Variants in PPP6R2 observed in about 807,000 individuals in gnomAD.
The protein encoded by PPP6R2 is serine/threonine-protein phosphatase 6 regulatory subunit 2.
A neutral mutation model predicts 100.2 loss-of-function variants in PPP6R2; 62 were observed. That is an observed-to-expected ratio of 0.62 (90% CI 0.50 to 0.76). The LOEUF (loss-of-function observed/expected upper bound fraction) is 0.76, where lower values mean the gene tolerates loss of function less well. Among genes scored for constraint, PPP6R2 ranks in the 30% least tolerant of loss-of-function variants. PPP6R2 has a pLI of 0.00. For synonymous variants in PPP6R2, 525 were observed against 514.7 expected (o/e 1.02, Z -0.27); for missense variants, 1,142 against 1,276.3 (o/e 0.89, Z 1.60).
At chr22:50,371,505 G>GAAA (rs894726509) in intron 1 of PPP6R2, among the ~76,000 whole-genome samples, 1 of 142,178 alleles carries the variant, frequency 7.0e-6, no homozygotes, top group African/African-American at 2.6e-5. Flanking sequence ...CTTTAAAAAA[G>GAAA]AAAAAAAAAA....
At chr22:50,355,797 A>G (rs1345180951) in intron 1 of PPP6R2, among the ~76,000 whole-genome samples, 1 of 151,302 alleles carries the variant, frequency 6.6e-6, no homozygotes, top group Non-Finnish European at 1.5e-5. Flanking sequence ...CTGGGATTAC[A>G]GGGGTGAGCC....
chr22:50,401,450 G>A (rs1219526389), intron 3 of PPP6R2, among the ~76,000 whole-genome samples: 1 of 94,576 alleles, frequency 1.1e-5, no homozygotes, highest in Non-Finnish European at 2.0e-5. Flanking sequence ...CTCGTGATCC[G>A]CCCGCCTCGG....
chr22:50,376,173 G>C (rs575190813), intron 2 of PPP6R2, among the ~76,000 whole-genome samples: 4 of 152,072 alleles, frequency 2.6e-5, no homozygotes, highest in Non-Finnish European at 5.9e-5. Flanking sequence ...AACCAGTACA[G>C]TTCAGGTGTG....
chr22:50,339,151 T>G (rs2042339259), upstream of PPP6R2, among the ~76,000 whole-genome samples: 2 of 148,258 alleles, frequency 1.3e-5, no homozygotes, highest in African/African-American at 5.0e-5. Flanking sequence ...TTGTGGTGTG[T>G]GTGTGGTATG....
intron 2 of PPP6R2, among the ~76,000 whole-genome samples, chr22:50,376,598 A>G (rs534251669): frequency 1.3e-5 from 2 of 151,818 alleles, no homozygotes; most frequent in East Asian, 2.0e-4. Context: ...AATTCTTTGT[A>G]TTTTTTGTAA....
chr22:50,431,432 G>T lies in PPP6R2; in HGVS notation c.1335+50G>T. 2 of 1,533,148 alleles carry T rather than the reference G, an allele frequency of 1.3e-6. No homozygotes were observed. Among genetic ancestry groups the T allele is most frequent in the Non-Finnish European group, 1.8e-6 (2 of 1,120,590 alleles). 95.0% of individuals were successfully genotyped at this position (1,533,148 alleles called of 1,614,324 possible). On this transcript the variant is annotated intron_variant, in intron 11 of 23. Coordinates refer to ENST00000612753, the MANE Select transcript of PPP6R2 (RefSeq NM_001242898.2). The surrounding 1 kb of genome is among the most constrained non-coding windows in gnomAD (Gnocchi z 4.8). Reference sequence around the variant, plus strand: ...ATCAGCGCCAACTGCGCCCCACTCAGACCGTGTCCATGTCAGCGCTGACGT... The same window carrying T: ...ATCAGCGCCAACTGCGCCCCACTCATACCGTGTCCATGTCAGCGCTGACGT...
intron 13 of PPP6R2, among the ~76,000 whole-genome samples, chr22:50,435,710 C>T (rs551499155): frequency 2.0e-5 from 3 of 152,238 alleles, no homozygotes; most frequent in Non-Finnish European, 4.4e-5. Context: ...TAGCCCCTGG[C>T]GAGGTCAGGC....
chr22:50,437,484 T>TACCCAC, intron 15 of PPP6R2, 22 bp from the exon 16 acceptor site: 4 of 542,124 alleles, frequency 7.4e-6, no homozygotes, highest in African/African-American at 4.4e-5. Flanking sequence ...TGTCCGTCCC[T>TACCCAC]CCCTCCCTCC....
intron 10 of PPP6R2, among the ~76,000 whole-genome samples, chr22:50,429,283 G>A (rs2062731401): frequency 6.6e-6 from 1 of 152,226 alleles, no homozygotes; most frequent in East Asian, 1.9e-4. Context: ...CACCCTCCTC[G>A]GCCTCCCAAA....
intron 10 of PPP6R2, among the ~76,000 whole-genome samples, chr22:50,424,500 G>A (rs528142004): frequency 6.6e-6 from 1 of 151,144 alleles, no homozygotes; most frequent in Non-Finnish European, 1.5e-5. Context: ...GTCTGTCAGC[G>A]TGTGGAAGGT....
rs757479453 is a variant in PPP6R2 at position 50,439,796 on chromosome 22, G to A, written c.2224G>A (p.Gly742Ser). 6.8e-6 allele frequency: 11 copies of A among 1,613,790 alleles called. No homozygotes were observed. The Admixed American group carries it at 1.2e-4, about 17-fold the overall frequency. The change falls in exon 20 of 24, where the codon GGC becomes AGC. Residue 742 changes from glycine to serine, a missense_variant. By Grantham distance (56) the Gly-to-Ser change is moderately conservative. Transcript: ENST00000612753. ...CGTGGGTTCCAGTGTGTGGGCAGCTGGCACCTCAGCTCCAGAGGAGAAAGG... is the reference window on the plus strand; with the variant it reads ...CGTGGGTTCCAGTGTGTGGGCAGCTAGCACCTCAGCTCCAGAGGAGAAAGG... ...RDVGSSVWAAGTSAPEEKGWA... is the reference protein window; with the variant it reads ...RDVGSSVWAASTSAPEEKGWA...
intron 2 of PPP6R2, among the ~76,000 whole-genome samples, chr22:50,385,184 T>G (rs1486744382): frequency 6.6e-6 from 1 of 152,064 alleles, no homozygotes; most frequent in Non-Finnish European, 1.5e-5. Flanking sequence ...ACTGCCACAC[T>G]GGGATTAAGT....
At chr22:50,354,676 A>G (rs1222159199) in intron 1 of PPP6R2, among the ~76,000 whole-genome samples, 7 of 151,560 alleles carry the variant, frequency 4.6e-5, no homozygotes, top group Non-Finnish European at 1.5e-5. Flanking sequence ...AAATACAAAA[A>G]TTAGCCGGGC....
chr22:50,435,061 A>G lies in PPP6R2; in HGVS notation c.1496A>G (p.His499Arg), dbSNP rs778962601. ...QNLERGPVQTHISEVIRGLPA... is the reference protein window; with the variant it reads ...QNLERGPVQTRISEVIRGLPA... ...CTGGAGCGGGGCCCTGTGCAGACGC[A>G]CATCAGCGAGGTCATCCGAGGTGAG... The change falls in exon 13 of 24, where the codon CAC becomes CGC. Residue 499 changes from histidine (H) to arginine (R), a missense_variant. His to Arg is a conservative substitution (Grantham distance 29). Coordinates refer to ENST00000612753, the MANE Select transcript of PPP6R2 (RefSeq NM_001242898.2). 4.4e-6 allele frequency: 7 copies of G among 1,573,206 alleles called. No individual in the cohort carries two copies. Among genetic ancestry groups the G allele is most frequent in the African/African-American group, 1.4e-5 (1 of 73,644 alleles).
intron 2 of PPP6R2, among the ~76,000 whole-genome samples, chr22:50,381,668 C>T (rs920023392): frequency 6.6e-6 from 1 of 152,094 alleles, no homozygotes; most frequent in Non-Finnish European, 1.5e-5. Flanking sequence ...CGCCTGTAAT[C>T]CCAGCACTTT....
intron 4 of PPP6R2, among the ~76,000 whole-genome samples, chr22:50,411,896 T>A (rs2059798307): frequency 6.6e-6 from 1 of 151,484 alleles, no homozygotes; most frequent in Non-Finnish European, 1.5e-5. Flanking sequence ...ATACAAAAAA[T>A]TGGCTGGACG....
At chr22:50,398,492 T>G (rs897394819) in intron 3 of PPP6R2, among the ~76,000 whole-genome samples, 4 of 147,550 alleles carry the variant, frequency 2.7e-5, no homozygotes, top group Non-Finnish European at 3.0e-5. Flanking sequence ...ATTTCTTTAT[T>G]TAAAAAAAAA....
rs2064670033 is a variant in PPP6R2, at chr22:50,437,706, G to GT, written c.1781+104dup. ...GGTCTTGCCGGGAGTGCCGTCTGATGTCCCCGGGAGACAGCAGGTGTTCCC... is the reference window on the plus strand; with the variant it reads ...GGTCTTGCCGGGAGTGCCGTCTGATGTTCCCCGGGAGACAGCAGGTGTTCCC... On this transcript the variant is annotated intron_variant, in intron 16 of 23. Coordinates refer to ENST00000612753, the MANE Select transcript of PPP6R2 (RefSeq NM_001242898.2). 6 of 1,398,354 alleles carry GT rather than the reference G, an allele frequency of 4.3e-6. No homozygotes were observed. The East Asian group carries it at 1.4e-4, about 34-fold the overall frequency. 86.6% of individuals were successfully genotyped at this position (1,398,354 alleles called of 1,614,324 possible).
upstream of PPP6R2, among the ~76,000 whole-genome samples, chr22:50,339,445 TTG>T (rs1422570472): frequency 1.1e-4 from 13 of 122,508 alleles, no homozygotes; most frequent in African/African-American, 4.1e-4. Context: ...ACGGTGTGTG[TTG>T]TGTGTGGTGT....
Sources: allele counts gnomAD v4.1 joint callset (sites outside exome capture counted in the v4.1 genomes callset), GRCh38; gene constraint gnomAD v4.1.1; non-coding constraint Gnocchi (gnomAD v3.1); transcripts MANE v1.5; gene names NCBI Gene and HGNC (gene_info 2026-07-23, HGNC 2026-07-21).